Variants in SLC29A3 observed in about 807,000 individuals in gnomAD.
SLC29A3 encodes the protein equilibrative nucleoside transporter 3.
A neutral mutation model predicts 25.4 loss-of-function variants in SLC29A3; 18 were observed. The ratio of observed to expected loss-of-function variants is 0.71; its 90% CI spans 0.49 to 1.05. The LOEUF (loss-of-function observed/expected upper bound fraction) is 1.05, where lower values mean the gene tolerates loss of function less well. SLC29A3 is among the 50% of genes least tolerant of loss of function. The probability of loss-of-function intolerance (pLI) is 0.00; values close to 1 mark genes in which losing one functional copy is unlikely to be tolerated. For missense variants in SLC29A3, 586 were observed against 609.0 expected (o/e 0.96, Z 0.40); for synonymous variants, 258 against 267.1 (o/e 0.97, Z 0.33).
chr10:71,378,978 C>T (rs542950042), intron 4 of SLC29A3, among the ~76,000 whole-genome samples: 1 of 152,326 alleles, frequency 6.6e-6, no homozygotes. Flanking sequence ...TGTCATTGCC[C>T]AGTGAGGAGG....
chr10:71,379,170 T>C (rs1394869611), intron 4 of SLC29A3, among the ~76,000 whole-genome samples: 4 of 152,214 alleles, frequency 2.6e-5, no homozygotes, highest in African/African-American at 9.6e-5. Context: ...GTCCAAAAGG[T>C]GAGCTCCTTA....
chr10:71,376,285 G>C (rs907028423), intron 4 of SLC29A3, among the ~76,000 whole-genome samples: 3 of 152,206 alleles, frequency 2.0e-5, no homozygotes, highest in Non-Finnish European at 4.4e-5. Flanking sequence ...TAGCTGCCAG[G>C]CACCTGGCTA....
chr10:71,323,200 C>A (rs1845893367), intron 2 of SLC29A3, 146 bp downstream of exon 2: 3 of 1,105,638 alleles, frequency 2.7e-6, no homozygotes, highest in Non-Finnish European at 2.7e-6. Context: ...AATTATGGTT[C>A]CATGTGGTGT....
chr10:71,329,612 T>G (rs1846073293), intron 2 of SLC29A3, among the ~76,000 whole-genome samples: 1 of 151,886 alleles, frequency 6.6e-6, no homozygotes, highest in Non-Finnish European at 1.5e-5. Flanking sequence ...AAGCCAGGTG[T>G]GGTCGCGTGT....
chr10:71,333,772 C>T (rs376923244), intron 2 of SLC29A3, among the ~76,000 whole-genome samples: 8 of 152,342 alleles, frequency 5.3e-5, no homozygotes, highest in African/African-American at 1.4e-4. Context: ...CTGGCTGGCC[C>T]GAGCATCAGC....
chr10:71,340,179 G>A (rs1299215969), intron 2 of SLC29A3, among the ~76,000 whole-genome samples: 2 of 152,180 alleles, frequency 1.3e-5, no homozygotes, highest in East Asian at 3.9e-4. Context: ...TCTTTGCCCT[G>A]CATCCACCTG....
chr10:71,342,513 C>T (rs1846436567), intron 2 of SLC29A3, among the ~76,000 whole-genome samples: 1 of 152,278 alleles, frequency 6.6e-6, no homozygotes, highest in African/African-American at 2.4e-5. Context: ...GAAAAATTCT[C>T]ATTCAGGGAA....
intron 2 of SLC29A3, among the ~76,000 whole-genome samples, chr10:71,336,987 C>A (rs557055216): frequency 6.6e-6 from 1 of 152,184 alleles, no homozygotes; most frequent in Non-Finnish European, 1.5e-5. Context: ...TGGGGACCCT[C>A]TTCCTTAGGG....
At position 71,356,165 on chromosome 10, in the gene SLC29A3, C is replaced by T. The variant is rs1846902296; in HGVS notation, c.695C>T (p.Ala232Val). Residue 232 changes from alanine (A) to valine (V), a missense_variant, in exon 5 of 6, where the codon GCC (alanine) becomes GTC (valine). By Grantham distance (64) the Ala-to-Val change is moderately conservative. Transcript: ENST00000373189. ...AGTGATGTGAGGAACAGCGCCCTGG[C>T]CTTCTTCCTGACGGCCACTGTCTTC... ...ASSDVRNSAL[A>V]FFLTATVFLV... 6.2e-7 allele frequency: 1 copy of T among 1,614,166 alleles called. No individual in the cohort carries two copies. Among genetic ancestry groups the T allele is most frequent in the African/African-American group, 1.3e-5 (1 of 75,064 alleles).
intron 2 of SLC29A3, among the ~76,000 whole-genome samples, chr10:71,331,836 G>C (rs944834935): frequency 1.3e-5 from 2 of 152,216 alleles, no homozygotes; most frequent in South Asian, 4.1e-4. Flanking sequence ...TAATAAGAAG[G>C]GGGGTGGCAG....
Position 71,362,141 on chromosome 10 carries a change from C to T in SLC29A3, c.961C>T (p.Leu321Phe), listed in dbSNP as rs764932516. 4 of 1,613,992 alleles carry T rather than the reference C, an allele frequency of 2.5e-6. No individual in the cohort carries two copies. The highest frequency in any genetic ancestry group is 1.3e-5 in the African/African-American group (1 of 74,910). The change falls in exon 6 of 6, where the codon CTC becomes TTC. Residue 321 changes from leucine (L) to phenylalanine (F), a missense_variant. Transcript: ENST00000373189. ...CACCTACGTCTTCTTCATCACCAGC[C>T]TCATCTACCCCGCCATCTGCACCAA... ...CVTYVFFITSLIYPAICTNIE... is the reference protein window; with the variant it reads ...CVTYVFFITSFIYPAICTNIE...
intron 1 of SLC29A3, 31 bp from the exon 2 acceptor site, chr10:71,322,725 C>T (rs1845876067): frequency 4.3e-6 from 7 of 1,613,578 alleles, no homozygotes; most frequent in Non-Finnish European, 5.9e-6. Flanking sequence ...ACTCACCTAC[C>T]CTGTCTCTGT....
intron 2 of SLC29A3, among the ~76,000 whole-genome samples, chr10:71,340,064 C>T (rs1846358868): frequency 6.6e-6 from 1 of 152,220 alleles, no homozygotes; most frequent in South Asian, 2.1e-4. Flanking sequence ...GCTGCCCAGC[C>T]AGGGCTGAGC....
At chr10:71,345,786 C>T (rs1198488260) in intron 3 of SLC29A3, among the ~76,000 whole-genome samples, 3 of 152,178 alleles carry the variant, frequency 2.0e-5, no homozygotes, top group African/African-American at 7.2e-5. Context: ...GGCTGCGCCT[C>T]GCAGGAGAGA....
At chr10:71,342,048 A>G (rs963518405) in intron 2 of SLC29A3, among the ~76,000 whole-genome samples, 18 of 150,848 alleles carry the variant, frequency 1.2e-4, no homozygotes, top group African/African-American at 1.2e-4. Flanking sequence ...TGTTTGCTCT[A>G]CTCTCTCGGT....
intron 3 of SLC29A3, among the ~76,000 whole-genome samples, chr10:71,349,082 A>G (rs1178972340): frequency 1.3e-5 from 2 of 152,112 alleles, no homozygotes; most frequent in African/African-American, 2.4e-5. Context: ...TGTCACTCCC[A>G]GGTAAGTAAC....
At chr10:71,334,425 C>A (rs1452325217) in intron 2 of SLC29A3, among the ~76,000 whole-genome samples, 2 of 152,226 alleles carry the variant, frequency 1.3e-5, no homozygotes, top group African/African-American at 4.8e-5. Flanking sequence ...TTTCCCAGTT[C>A]TGTGATCTAT....
chr10:71,338,479 G>A (rs921611550), intron 2 of SLC29A3, among the ~76,000 whole-genome samples: 2 of 152,112 alleles, frequency 1.3e-5, no homozygotes, highest in Non-Finnish European at 2.9e-5. Context: ...AACCCTGGCC[G>A]GGCACCATGG....
chr10:71,325,740 C>T (rs1389789295), intron 2 of SLC29A3, among the ~76,000 whole-genome samples: 1 of 152,050 alleles, frequency 6.6e-6, no homozygotes, highest in Non-Finnish European at 1.5e-5. Context: ...GCAGCCTCAC[C>T]TGGGAGCTTG....
Sources: allele counts gnomAD v4.1 joint callset (sites outside exome capture counted in the v4.1 genomes callset), GRCh38; gene constraint gnomAD v4.1.1; transcripts MANE v1.5; gene names NCBI Gene and HGNC (gene_info 2026-07-23, HGNC 2026-07-21).